SLC17A5: variants seen among roughly 807,000 people sequenced by gnomAD.
SLC17A5 encodes the protein solute carrier family 17 member 5, also known as sialin.
SLC17A5 carries 47 observed loss-of-function variants against 59.4 expected under a neutral mutation model. The observed-to-expected ratio is 0.79, with a 90% CI of 0.63 to 1.01. SLC17A5 has a LOEUF of 1.01. Ranked by LOEUF, SLC17A5 falls within the 50% of genes least tolerant of loss-of-function variation. The pLI is 0.00. For synonymous variants in SLC17A5, 202 were observed against 210.7 expected (o/e 0.96, Z 0.36); for missense variants, 522 against 595.5 (o/e 0.88, Z 1.28).
chr6:73,621,467 T>C (rs753964217), intron 7 of SLC17A5, among the ~76,000 whole-genome samples: 3 of 152,326 alleles, frequency 2.0e-5, no homozygotes, highest in Non-Finnish European at 4.4e-5. Context: ...CATGTGCTTA[T>C]TGGCCATCTG....
At chr6:73,653,081 A>AT in intron 1 of SLC17A5, 1 of 985,466 alleles carries the variant, frequency 1.0e-6, no homozygotes. Flanking sequence ...TATCTTGAGG[A>AT]TAACTGAACC....
At chr6:73,645,449 G>C (rs1244639258) in intron 1 of SLC17A5, 2 of 985,062 alleles carry the variant, frequency 2.0e-6, no homozygotes, top group African/African-American at 1.7e-5. Context: ...AAGCGTAAAG[G>C]GCTCACAGTA....
chr6:73,652,584 T>C (rs1769921523), intron 1 of SLC17A5, among the ~76,000 whole-genome samples: 2 of 152,246 alleles, frequency 1.3e-5, no homozygotes, highest in African/African-American at 4.8e-5. Flanking sequence ...TTATAACTTT[T>C]ATTTCTGTAT....
At chr6:73,617,426 A>G (rs558641) in intron 7 of SLC17A5, among the ~76,000 whole-genome samples, 24,643 of 152,238 alleles carry the variant, frequency 0.16, 3,061 homozygotes, top group African/African-American at 0.34. Context: ...ATTAGTAGGA[A>G]AGTAAAAAAG....
intron 1 of SLC17A5, among the ~76,000 whole-genome samples, chr6:73,647,730 TA>T (rs989573220): frequency 3.9e-5 from 6 of 152,222 alleles, no homozygotes; most frequent in African/African-American, 1.4e-4. Flanking sequence ...CTACAAGTTA[TA>T]GATCAGGCAA....
chr6:73,643,476 TTA>T (rs1491320019), intron 2 of SLC17A5, among the ~76,000 whole-genome samples: 15 of 141,918 alleles, frequency 1.1e-4, no homozygotes, highest in African/African-American at 3.6e-4. Context: ...TTATTATTTT[TTA>T]TTTATTTATT....
intron 6 of SLC17A5, among the ~76,000 whole-genome samples, chr6:73,624,503 C>T (rs1181319627): frequency 6.6e-6 from 1 of 152,180 alleles, no homozygotes; most frequent in Admixed American, 6.5e-5. Flanking sequence ...TTTATTTCAT[C>T]TATCAATCCT....
At chr6:73,617,788 C>A (rs914386536) in intron 7 of SLC17A5, among the ~76,000 whole-genome samples, 2 of 151,776 alleles carry the variant, frequency 1.3e-5, no homozygotes, top group Non-Finnish European at 2.9e-5. Flanking sequence ...TGCAGTGAGC[C>A]AAGATTGCGC....
Position 73,594,879 on chromosome 6 carries a change from T to A in SLC17A5, c.*198A>T, listed in dbSNP as rs77448002. On this transcript the variant is annotated 3_prime_UTR_variant, in exon 11 of 11. Coordinates refer to ENST00000355773, the MANE Select transcript of SLC17A5 (RefSeq NM_012434.5). ...GTGAACCTAAAGTAGAAGTCCTAGC[T>A]TACATATTATTCATAATTAAACACA... 365 of 619,796 alleles carry A rather than the reference T, an allele frequency of 5.9e-4. 2 individuals carry two copies. The highest frequency in any genetic ancestry group is 5.8e-3 in the African/African-American group (312 of 54,224). 38.4% of individuals were successfully genotyped at this position (619,796 alleles called of 1,614,324 possible). A position where few individuals can be genotyped will look rare whatever the true frequency, so the allele number is the denominator to read the frequency against.
At chr6:73,609,886 G>A (rs1767569868) in intron 9 of SLC17A5, among the ~76,000 whole-genome samples, 1 of 152,176 alleles carries the variant, frequency 6.6e-6, no homozygotes, top group Non-Finnish European at 1.5e-5. Flanking sequence ...AGGAGAAATG[G>A]GAGATTGTGT....
intron 9 of SLC17A5, among the ~76,000 whole-genome samples, chr6:73,603,507 A>G (rs1474765952): frequency 7.2e-6 from 1 of 139,572 alleles, no homozygotes; most frequent in Non-Finnish European, 1.5e-5. Flanking sequence ...TACAACTTCC[A>G]CCTCCCCAGT....
chr6:73,637,816 TTTTAA>T (rs1204554613), intron 4 of SLC17A5, among the ~76,000 whole-genome samples: 1 of 152,040 alleles, frequency 6.6e-6, no homozygotes, highest in Non-Finnish European at 1.5e-5. Flanking sequence ...GGTGGAAAAA[TTTTAA>T]TTTAGTCAAT....
chr6:73,646,644 A>G (rs541578138), intron 1 of SLC17A5, among the ~76,000 whole-genome samples: 1 of 152,102 alleles, frequency 6.6e-6, no homozygotes, highest in East Asian at 1.9e-4. Flanking sequence ...ATTGTGAGGC[A>G]TGTTTTGTAA....
intron 10 of SLC17A5, among the ~76,000 whole-genome samples, chr6:73,598,870 G>A (rs1766935728): frequency 6.6e-6 from 1 of 152,030 alleles, no homozygotes; most frequent in Non-Finnish European, 1.5e-5. Flanking sequence ...TGTAATCCCA[G>A]CTATTCGGGA....
Position 73,641,816 on chromosome 6 carries a change from C to T in SLC17A5, c.400G>A (p.Gly134Arg). ...CCAAATCCTAGCAGCATTTTCCCCC[C>T]TATTTTGCTGGCAACATATCCTCCA... ...IPGGYVASKI[G>R]GKMLLGFGIL... The change falls in exon 3 of 11, where the codon GGG becomes AGG. Residue 134 changes from glycine (G) to arginine (R), a missense_variant. Around this residue, in one of 3 missense-constraint regions of SLC17A5, gnomAD observed 338 missense variants for 363.8 expected, o/e 0.93. Transcript: ENST00000355773. 1 of 1,614,148 alleles carries T rather than the reference C, an allele frequency of 6.2e-7. No individual in the cohort carries two copies. Among genetic ancestry groups the T allele is most frequent in the Non-Finnish European group, 8.5e-7 (1 of 1,180,038 alleles).
At position 73,638,392 on chromosome 6, in the gene SLC17A5, T is replaced by G. The variant is rs765763125; in HGVS notation, c.613+20A>C. The G allele has an allele frequency of 1.3e-6, 2 of 1,585,632 alleles. No homozygotes were observed. The highest frequency in any genetic ancestry group is 1.7e-6 in the Non-Finnish European group (2 of 1,154,468). On this transcript the variant is annotated intron_variant, in intron 4 of 10. Coordinates refer to ENST00000355773, the MANE Select transcript of SLC17A5 (RefSeq NM_012434.5). ...ATATACATAACATATTACAGCAAAA[T>G]TTGGTAATTGTTATCTCACCTGCAT...
intron 8 of SLC17A5, 119 bp from the exon 9 acceptor site, chr6:73,610,666 C>G (rs1767603855): frequency 1.9e-6 from 2 of 1,067,846 alleles, no homozygotes; most frequent in Admixed American, 4.9e-5. Flanking sequence ...CACTATATTG[C>G]CTGGAAGACT....
chr6:73,605,710 G>C (rs1767360948), intron 9 of SLC17A5, among the ~76,000 whole-genome samples: 1 of 151,678 alleles, frequency 6.6e-6, no homozygotes. Flanking sequence ...GGGCATGGTG[G>C]CTCACGCCTG....
At position 73,621,917 on chromosome 6, in the gene SLC17A5, G is replaced by A. The variant is rs1182088193; in HGVS notation, c.865C>T (p.Leu289=). ...SVPWVPILKS[L]PLWAIVVAHF... is the part of the protein sequence containing the mutation. ...GCAACTACGATAGCCCAAAGTGGCA[G>A]GGATTTTAAAATGGGTACCCACGGC... Residue 289 remains leucine, a synonymous_variant, in exon 7 of 11, where the codon CTG becomes TTG. Coordinates refer to ENST00000355773, the MANE Select transcript of SLC17A5 (RefSeq NM_012434.5). 3.7e-6 allele frequency: 6 copies of A among 1,614,042 alleles called. No individual in the cohort carries two copies. The highest frequency in any genetic ancestry group is 2.2e-5 in the South Asian group (2 of 91,088).
Sources: gnomAD v4.1 joint callset for allele counts (sites outside exome capture counted in the v4.1 genomes callset) on GRCh38, gnomAD v4.1.1 for gene constraint, gnomAD v4.1.1 regional missense constraint, MANE v1.5 for transcripts, NCBI Gene and HGNC (gene_info 2026-07-23, HGNC 2026-07-21) for gene names.